Variants in NTRK3 observed in about 807,000 individuals in gnomAD.
The protein encoded by NTRK3 is neurotrophic receptor tyrosine kinase 3, also known as NT-3 growth factor receptor.
Under a neutral mutation model 91.7 loss-of-function variants are expected in NTRK3, and 24 were observed. That is an observed-to-expected ratio of 0.26 (90% CI 0.19 to 0.37). The LOEUF (loss-of-function observed/expected upper bound fraction) is 0.37, where lower values mean the gene tolerates loss of function less well. Among genes scored for constraint, NTRK3 ranks in the 10% least tolerant of loss-of-function variants. The probability of loss-of-function intolerance (pLI) is 1.00; values close to 1 mark genes in which losing one functional copy is unlikely to be tolerated. For synonymous variants in NTRK3, 483 were observed against 404.0 expected (o/e 1.20, Z -2.34); for missense variants, 880 against 1,068.9 (o/e 0.82, Z 2.46).
At chr15:87,981,439 C>G (rs1460957676) in intron 14 of NTRK3, 8 of 1,602,784 alleles carry the variant, frequency 5.0e-6, no homozygotes, top group Non-Finnish European at 6.8e-6. Flanking sequence ...AAGTATTTTT[C>G]TTAAGTGCAC....
intron 13 of NTRK3, among the ~76,000 whole-genome samples, chr15:88,100,440 G>A (rs2050054155): frequency 1.3e-5 from 2 of 152,176 alleles, no homozygotes; most frequent in African/African-American, 4.8e-5. Flanking sequence ...GCAACTCCCA[G>A]TAGTGAGCTG....
At chr15:88,254,027 A>G (rs763668595) in intron 3 of NTRK3, among the ~76,000 whole-genome samples, 2 of 152,250 alleles carry the variant, frequency 1.3e-5, no homozygotes, top group Non-Finnish European at 2.9e-5. Flanking sequence ...ACAGACAGAC[A>G]CATCCTTGGA....
rs749600187 is a variant in NTRK3 at position 88,033,061 on chromosome 15, G to A, written c.1397-16C>T. 4.5e-6 allele frequency: 7 copies of A among 1,560,688 alleles called. No homozygotes were observed. The highest frequency in any genetic ancestry group is 3.8e-5 in the Admixed American group (2 of 52,002). On this transcript the variant is annotated splice_polypyrimidine_tract_variant and intron_variant, in intron 13 of 18. Coordinates refer to ENST00000394480, the Ensembl canonical transcript of NTRK3. Reference sequence around the variant, plus strand: ...GCCACGGGACCTGCACACACCAAGAGAGACGCAGGACCTGGTGACGTCACA... The same window carrying A: ...GCCACGGGACCTGCACACACCAAGAAAGACGCAGGACCTGGTGACGTCACA...
chr15:88,037,395 A>G (rs2079165763), intron 13 of NTRK3, among the ~76,000 whole-genome samples: 1 of 152,048 alleles, frequency 6.6e-6, no homozygotes, highest in African/African-American at 2.4e-5. Flanking sequence ...AACCCAGTCA[A>G]TACTAAAAAT....
At chr15:87,928,110 G>C (rs1235313439) in intron 17 of NTRK3, 1 of 152,348 alleles carries the variant, frequency 6.6e-6, no homozygotes, top group Admixed American at 6.6e-5. Context: ...CTCCCGAGTA[G>C]CTGGGACTAC....
intron 5 of NTRK3, among the ~76,000 whole-genome samples, chr15:88,180,850 G>A (rs1597800653): frequency 1.3e-5 from 2 of 152,326 alleles, no homozygotes; most frequent in East Asian, 3.9e-4. Context: ...TTTGCCAGGA[G>A]AAAATGTCCC....
chr15:88,107,713 T>C (rs1399437550), intron 13 of NTRK3, among the ~76,000 whole-genome samples: 1 of 151,958 alleles, frequency 6.6e-6, no homozygotes, highest in Non-Finnish European at 1.5e-5. Flanking sequence ...TTGGGAAGAA[T>C]GGATAAAGCC....
chr15:87,963,675 T>C (rs529107561), intron 14 of NTRK3, among the ~76,000 whole-genome samples: 1 of 152,292 alleles, frequency 6.6e-6, no homozygotes, highest in Non-Finnish European at 1.5e-5. Context: ...TGATGGTTGG[T>C]AAGTTAGGTG....
intron 3 of NTRK3, among the ~76,000 whole-genome samples, chr15:88,239,414 A>G (rs1453447156): frequency 6.6e-6 from 1 of 151,940 alleles, no homozygotes; most frequent in Non-Finnish European, 1.5e-5. Context: ...AGTGGGAGCC[A>G]AGTAAGGTTC....
At chr15:88,163,948 C>T (rs1000632740) in intron 5 of NTRK3, among the ~76,000 whole-genome samples, 4 of 152,184 alleles carry the variant, frequency 2.6e-5, no homozygotes, top group Admixed American at 1.3e-4. Flanking sequence ...GGAGCAAATG[C>T]TATAAACAGA....
chr15:88,134,475 A>G lies in NTRK3; in HGVS notation c.1204+626T>C, dbSNP rs537272547. On this transcript the variant is annotated intron_variant, in intron 10 of 18. Coordinates refer to ENST00000394480, the Ensembl canonical transcript of NTRK3. The stretch of plus-strand genomic sequence containing the variant: ...GCTGAGGGCATCAGGTATGACCCAC[A>G]GTAGCTCACCATGGAACAAGAGAGG... Among the ~76,000 whole-genome samples, 21 of 152,360 alleles carry G rather than the reference A, an allele frequency of 1.4e-4. No individual in the cohort carries two copies. The East Asian group carries it at 4.0e-3, about 29-fold the overall frequency.
chr15:88,090,699 A>C lies in NTRK3; in HGVS notation c.1396+35572T>G, dbSNP rs527468675. On this transcript the variant is annotated intron_variant, in intron 13 of 18. Transcript: ENST00000394480. ...CTTCTAAGACACAACTTTGCATTTC[A>C]TCTTCACCTCCTCCTCCCTCAATCC... 2.0e-5 allele frequency among the ~76,000 whole-genome samples: 3 copies of C among 152,144 alleles called. No homozygotes were observed. The South Asian group carries it at 6.2e-4, about 32-fold the overall frequency.
chr15:87,932,888 C>T, intron 16 of NTRK3, 124 bp downstream of exon 16: 2 of 953,584 alleles, frequency 2.1e-6, no homozygotes, highest in South Asian at 2.8e-5. Context: ...TGAATGTGTT[C>T]ATCTAATTTC....
intron 14 of NTRK3, among the ~76,000 whole-genome samples, chr15:88,018,999 T>C (rs1298829450): frequency 1.3e-5 from 2 of 151,936 alleles, no homozygotes; most frequent in African/African-American, 4.8e-5. Flanking sequence ...ACATAGCAGC[T>C]CTGAGGAATT....
chr15:88,256,433 T>G, exon 2 of NTRK3: 1 of 541,844 alleles, frequency 1.8e-6, no homozygotes, highest in Non-Finnish European at 3.2e-6. Flanking sequence ...CGGCGATCGC[T>G]GACTCGCCGG....
At chr15:88,134,770 C>T (rs2041713241) in intron 10 of NTRK3, among the ~76,000 whole-genome samples, 1 of 152,238 alleles carries the variant, frequency 6.6e-6, no homozygotes, top group South Asian at 2.1e-4. Flanking sequence ...AGCAAACTAT[C>T]AGGCCCAGAG....
chr15:88,126,000 A>G (rs1013514491), intron 13 of NTRK3, among the ~76,000 whole-genome samples: 9 of 152,164 alleles, frequency 5.9e-5, no homozygotes, highest in African/African-American at 2.2e-4. Flanking sequence ...TTTCCAAATT[A>G]TCCTCATTGC....
chr15:87,881,379 T>C (rs542962905), intron 17 of NTRK3, among the ~76,000 whole-genome samples: 122 of 151,930 alleles, frequency 8.0e-4, no homozygotes, highest in South Asian at 4.0e-3. Context: ...GGATGAGGTA[T>C]TACTTAAAGT....
intron 13 of NTRK3, among the ~76,000 whole-genome samples, chr15:88,055,320 C>T (rs1039328455): frequency 6.6e-6 from 1 of 152,206 alleles, no homozygotes; most frequent in Admixed American, 6.5e-5. Flanking sequence ...TTAATGACCA[C>T]ATCCAAACAG....
Sources: allele counts gnomAD v4.1 joint callset (sites outside exome capture counted in the v4.1 genomes callset), GRCh38; gene constraint gnomAD v4.1.1; transcripts MANE v1.5; gene names NCBI Gene and HGNC (gene_info 2026-07-23, HGNC 2026-07-21).